The following KIF3C variants were observed in gnomAD, a reference collection of about 807,000 sequenced individuals.
KIF3C encodes kinesin-like protein KIF3C.
A neutral mutation model predicts 67.7 loss-of-function variants in KIF3C; 12 were observed. The ratio of observed to expected loss-of-function variants is 0.18; its 90% CI spans 0.11 to 0.29. KIF3C has a LOEUF of 0.29. KIF3C is among the 10% of genes least tolerant of loss of function. KIF3C has a pLI of 1.00. For synonymous variants in KIF3C, 393 were observed against 426.2 expected, an observed-to-expected ratio of 0.92 and a Z score of 0.96; for missense variants, 789 against 1,059.6, an observed-to-expected ratio of 0.74 and a Z score of 3.55.
chr2:25,979,264 G>A (rs955593277), intron 1 of KIF3C, among the ~76,000 whole-genome samples: 1 of 152,132 alleles, frequency 6.6e-6, no homozygotes, highest in Non-Finnish European at 1.5e-5. Context: ...GGACAGGGAG[G>A]GGCCTCTGTA....
chr2:25,940,313 G>A lies in KIF3C; in HGVS notation c.2007-10250C>T, dbSNP rs536833121. On this transcript the variant is annotated intron_variant, in intron 5 of 7. Coordinates refer to ENST00000264712, the MANE Select transcript of KIF3C (RefSeq NM_002254.8). ...GCCAGGCGCATGGTGGCTCACGCCT[G>A]TAATCCTAGCAGTTTGGGAGGCTGA... Among the ~76,000 whole-genome samples the A allele has an allele frequency of 5.3e-5, 8 of 152,246 alleles. No homozygotes were observed. The Middle Eastern group carries it at 0.01, about 194-fold the overall frequency.
At chr2:25,962,661 G>A (rs1259830245) in intron 1 of KIF3C, among the ~76,000 whole-genome samples, 1 of 144,692 alleles carries the variant, frequency 6.9e-6, no homozygotes, top group African/African-American at 2.6e-5. Flanking sequence ...ACAGGCATGA[G>A]CCACTGTGCC....
chr2:25,968,584 C>G (rs1280747075), intron 1 of KIF3C, among the ~76,000 whole-genome samples: 1 of 152,148 alleles, frequency 6.6e-6, no homozygotes, highest in Non-Finnish European at 1.5e-5. Flanking sequence ...ACAGAATGTT[C>G]CAGTGTCAGA....
chr2:25,972,211 G>A (rs1043607309), intron 1 of KIF3C, among the ~76,000 whole-genome samples: 4 of 151,980 alleles, frequency 2.6e-5, no homozygotes, highest in African/African-American at 9.7e-5. Flanking sequence ...CCAATCTTGT[G>A]CTCTGCGGAG....
At chr2:25,937,770 G>A (rs1439246327) in intron 5 of KIF3C, among the ~76,000 whole-genome samples, 2 of 152,022 alleles carry the variant, frequency 1.3e-5, no homozygotes, top group African/African-American at 4.8e-5. Context: ...ATTATTATTG[G>A]CCAGGTGTGG....
intron 1 of KIF3C, among the ~76,000 whole-genome samples, chr2:25,978,838 A>G (rs1383631558): frequency 6.6e-6 from 1 of 152,036 alleles, no homozygotes; most frequent in Non-Finnish European, 1.5e-5. Flanking sequence ...GAGGGCTTCA[A>G]TCTAACGGCC....
intron 4 of KIF3C, among the ~76,000 whole-genome samples, chr2:25,953,750 C>T (rs1017797472): frequency 6.6e-6 from 1 of 151,070 alleles, no homozygotes; most frequent in African/African-American, 2.4e-5. Flanking sequence ...GGCTCACTGC[C>T]ACCTCCACCT....
In KIF3C at chr2:25,951,921, A is replaced by T; in HGVS notation, c.1890-16T>A. 6.4e-7 allele frequency: 1 copy of T among 1,561,984 alleles called. No individual in the cohort carries two copies. Among genetic ancestry groups the T allele is most frequent in the Non-Finnish European group, 8.8e-7 (1 of 1,133,040 alleles). On this transcript the variant is annotated splice_polypyrimidine_tract_variant and intron_variant, in intron 4 of 7. Transcript: ENST00000264712. ...GATTAGGTACCTGGGAGCAGGAATG[A>T]AGGAGTGATGGGAAAATGGGTGAGC...
chr2:25,937,986 C>A (rs1351836785), intron 5 of KIF3C, among the ~76,000 whole-genome samples: 1 of 151,542 alleles, frequency 6.6e-6, no homozygotes, highest in African/African-American at 2.4e-5. Context: ...ACCTGGGAGG[C>A]GGAGGTTGAG....
chr2:25,968,693 C>T (rs968983207), intron 1 of KIF3C, among the ~76,000 whole-genome samples: 2 of 152,136 alleles, frequency 1.3e-5, no homozygotes. Context: ...GGTCACACAG[C>T]CTCTAGGCTC....
chr2:25,937,143 G>T (rs1398506206), intron 5 of KIF3C, among the ~76,000 whole-genome samples: 1 of 152,184 alleles, frequency 6.6e-6, no homozygotes, highest in African/African-American at 2.4e-5. Context: ...TTCAAGTGGG[G>T]ATACAAATGA....
Position 25,962,061 on chromosome 2 carries a change from A to G in KIF3C, c.1546-5617T>C, listed in dbSNP as rs1169897801. Among the ~76,000 whole-genome samples, 7 of 152,214 alleles carry G rather than the reference A, an allele frequency of 4.6e-5. No individual in the cohort carries two copies. In the South Asian group the frequency reaches 8.3e-4, roughly 18 times the overall value. ...AAAAGGAAAGATCCAGGCTTTTCCA[A>G]TCCATCCTGGCACATAGAGTAAGAG... On this transcript the variant is annotated intron_variant, in intron 1 of 7. Coordinates refer to ENST00000264712, the MANE Select transcript of KIF3C (RefSeq NM_002254.8).
At chr2:25,932,008 T>G (rs1244711190) in intron 5 of KIF3C, among the ~76,000 whole-genome samples, 29 of 149,390 alleles carry the variant, frequency 1.9e-4, no homozygotes, top group East Asian at 1.6e-3. Flanking sequence ...GTTTTGTTTT[T>G]TTTTTTTTTT....
intron 5 of KIF3C, among the ~76,000 whole-genome samples, chr2:25,933,882 T>C (rs192675629): frequency 2.6e-5 from 4 of 152,230 alleles, no homozygotes; most frequent in Non-Finnish European, 4.4e-5. Context: ...CTCAAGAGAA[T>C]TGAAAACATG....
chr2:25,958,872 C>T lies in KIF3C; in HGVS notation c.1546-2428G>A, dbSNP rs13031263. On this transcript the variant is annotated intron_variant, in intron 1 of 7. Coordinates refer to ENST00000264712, the MANE Select transcript of KIF3C (RefSeq NM_002254.8). The surrounding 1 kb of genome is among the most constrained non-coding windows in gnomAD (Gnocchi z 4.5). ...GGCGGATCACCTGAGGTTGGGAGTTCGAGACCAGTCTGACCAACATGGAGA... is the reference window on the plus strand; with the variant it reads ...GGCGGATCACCTGAGGTTGGGAGTTTGAGACCAGTCTGACCAACATGGAGA... Among the ~76,000 whole-genome samples, 17,967 of 152,092 alleles carry T rather than the reference C, an allele frequency of 0.12. 1,346 individuals carry two copies. Among genetic ancestry groups the T allele is most frequent in the African/African-American group, 0.2 (8,244 of 41,474 alleles).
In KIF3C at chr2:25,980,728, C is replaced by T. The variant is rs1395429693; in HGVS notation, c.1190G>A (p.Arg397Lys). ...CCGGGGCCGCTTCCCCAGCATCCCC[C>T]TCTTCTCCAGCTGGGCCTTCAGGCG... ...IARLKAQLEK[R>K]GMLGKRPRRK... Residue 397 changes from arginine (R) to lysine (K), a missense_variant, in exon 1 of 8, where the codon AGG becomes AAG. Physicochemically the swap from Arg to Lys is conservative, Grantham distance 26. Transcript: ENST00000264712. This position sits in a 1 kb window ranked among gnomAD's most constrained non-coding sequence, Gnocchi z 7.6. 6.2e-7 allele frequency: 1 copy of T among 1,614,072 alleles called. No individual in the cohort carries two copies. The highest frequency in any genetic ancestry group is 1.3e-5 in the African/African-American group (1 of 74,952).
At chr2:25,975,187 G>T (rs1664381273) in intron 1 of KIF3C, among the ~76,000 whole-genome samples, 1 of 152,022 alleles carries the variant, frequency 6.6e-6, no homozygotes, top group Non-Finnish European at 1.5e-5. Context: ...TTAAGACAGG[G>T]TTCCTCTCTG....
Position 25,928,826 on chromosome 2 carries a change from G to A in KIF3C, c.*152C>T. On this transcript the variant is annotated 3_prime_UTR_variant, in exon 8 of 8. Transcript: ENST00000264712. Reference sequence around the variant, plus strand: ...TAAATAAAGGAGGCGAAGAAGAGCAGGCAGAGGCACCATCTGCCAGATTCT... The same window carrying A: ...TAAATAAAGGAGGCGAAGAAGAGCAAGCAGAGGCACCATCTGCCAGATTCT... 3.2e-6 allele frequency: 2 copies of A among 620,262 alleles called. No individual in the cohort carries two copies. The highest frequency in any genetic ancestry group is 5.7e-6 in the Non-Finnish European group (2 of 353,294). 38.4% of individuals were successfully genotyped at this position (620,262 alleles called of 1,614,324 possible).
At chr2:25,956,247 G>A (rs1663803711) in intron 2 of KIF3C, 96 bp downstream of exon 2, 2 of 890,824 alleles carry the variant, frequency 2.2e-6, no homozygotes, top group Admixed American at 4.2e-5. Context: ...TGTAATTCCA[G>A]AGATCCAGAG....
Sources: gnomAD v4.1 joint callset for allele counts (sites outside exome capture counted in the v4.1 genomes callset) on GRCh38, gnomAD v4.1.1 for gene constraint, Gnocchi (gnomAD v3.1) non-coding constraint, MANE v1.5 for transcripts, NCBI Gene and HGNC (gene_info 2026-07-23, HGNC 2026-07-21) for gene names.